Variants in IREB2 observed in about 807,000 individuals in gnomAD.
IREB2 encodes the protein iron-responsive element-binding protein 2.
Under a neutral mutation model 118.8 loss-of-function variants are expected in IREB2, and 39 were observed. The observed-to-expected ratio is 0.33, with a 90% confidence interval of 0.25 to 0.43. The LOEUF (loss-of-function observed/expected upper bound fraction) is 0.43, where lower values mean the gene tolerates loss of function less well. Ranked by LOEUF, IREB2 falls within the 20% of genes least tolerant of loss-of-function variation. The pLI, the probability that IREB2 is intolerant of heterozygous loss-of-function variation, is 1.00. For synonymous variants in IREB2, 372 were observed against 392.2 expected (o/e 0.95, Z 0.61); for missense variants, 900 against 1,147.3 (o/e 0.78, Z 3.11).
intron 5 of IREB2, among the ~76,000 whole-genome samples, chr15:78,468,298 C>T (rs961798003): frequency 1.1e-4 from 17 of 151,988 alleles, no homozygotes; most frequent in East Asian, 7.7e-4. Context: ...GCTGAGGTGC[C>T]GTGGCACCAT....
At chr15:78,469,459 C>G (rs1345587441) in intron 5 of IREB2, among the ~76,000 whole-genome samples, 1 of 151,916 alleles carries the variant, frequency 6.6e-6, no homozygotes, top group Admixed American at 6.6e-5. Context: ...GTGGCTCACA[C>G]CTGTAATCCC....
intron 2 of IREB2, 46 bp downstream of exon 2, chr15:78,439,927 T>C (rs1382346025): frequency 8.7e-7 from 1 of 1,145,250 alleles, no homozygotes; most frequent in Non-Finnish European, 1.3e-6. Context: ...TCTCTAATAA[T>C]GAAAATGCAT....
At position 78,498,349 on chromosome 15, in the gene IREB2, T is replaced by C; in HGVS notation, c.*206T>C. The C allele has an allele frequency of 3.1e-6, 1 of 324,138 alleles. No individual in the cohort carries two copies. Among genetic ancestry groups the C allele is most frequent in the Non-Finnish European group, 5.7e-6 (1 of 176,264 alleles). 20.1% of individuals were successfully genotyped at this position (324,138 alleles called of 1,614,324 possible). The stretch of plus-strand genomic sequence containing the variant: ...ATACGAATGGTGCTATTAATATTGC[T>C]AAAATCAACGTGTGAAGTGTGTTGT... On this transcript the variant is annotated 3_prime_UTR_variant, in exon 22 of 22. Transcript: ENST00000258886.
At chr15:78,489,744 C>A (rs2051718358) in intron 16 of IREB2, among the ~76,000 whole-genome samples, 1 of 152,142 alleles carries the variant, frequency 6.6e-6, no homozygotes, top group Non-Finnish European at 1.5e-5. Flanking sequence ...CTCCTGGACT[C>A]AAGTGATCCG....
At chr15:78,445,649 A>G (rs557058970) in intron 2 of IREB2, among the ~76,000 whole-genome samples, 3 of 152,348 alleles carry the variant, frequency 2.0e-5, no homozygotes, top group East Asian at 1.9e-4. Context: ...CCAGTCTTCC[A>G]TCTCTACAGC....
intron 2 of IREB2, among the ~76,000 whole-genome samples, chr15:78,449,238 G>A (rs2050982487): frequency 6.6e-6 from 1 of 152,122 alleles, no homozygotes; most frequent in South Asian, 2.1e-4. Context: ...TATTTGTTGA[G>A]TATGTATTTA....
At chr15:78,457,923 G>C (rs935342870) in intron 2 of IREB2, among the ~76,000 whole-genome samples, 1 of 151,720 alleles carries the variant, frequency 6.6e-6, no homozygotes, top group African/African-American at 2.4e-5. Flanking sequence ...AATTCCCCTT[G>C]GTTTGGGGAA....
chr15:78,475,510 TTAAGTC>T (rs2051453970), intron 8 of IREB2: 1 of 152,176 alleles, frequency 6.6e-6, no homozygotes, highest in African/African-American at 2.4e-5. Context: ...TAGTATTTCA[TTAAGTC>T]TAAGATGCCA....
Position 78,471,848 on chromosome 15 carries a change from C to A in IREB2, c.807C>A (p.Asp269Glu), listed in dbSNP as rs1176982196. Residue 269 changes from aspartate (D) to glutamate (E), a missense_variant, in exon 7 of 22, where the codon GAC becomes GAA. Asp to Glu is a conservative substitution (Grantham distance 45). Transcript: ENST00000258886. ...CAAGAGTGGTTTTTGAAGAAAAAGA[C>A]CTCCTCTTCCCAGACAGTGTAGTCG... ...YLSRVVFEEK[D>E]LLFPDSVVGT... 1 of 1,613,544 alleles carries A rather than the reference C, an allele frequency of 6.2e-7. No homozygotes were observed. The highest frequency in any genetic ancestry group is 1.7e-5 in the Admixed American group (1 of 59,986).
chr15:78,464,441 A>G (rs2051247524), intron 3 of IREB2, among the ~76,000 whole-genome samples: 1 of 152,222 alleles, frequency 6.6e-6, no homozygotes, highest in Non-Finnish European at 1.5e-5. Context: ...TACCCTATGT[A>G]TGCTGCTATT....
chr15:78,443,983 G>A (rs11630228), intron 2 of IREB2, among the ~76,000 whole-genome samples: 31,309 of 152,032 alleles, frequency 0.21, 3,951 homozygotes, highest in East Asian at 0.33. Flanking sequence ...GGAGCTGGCT[G>A]TCTGGCACTC....
At chr15:78,481,273 G>T (rs2051565620) in intron 10 of IREB2, among the ~76,000 whole-genome samples, 1 of 152,046 alleles carries the variant, frequency 6.6e-6, no homozygotes, top group African/African-American at 2.4e-5. Flanking sequence ...CGTGATCACG[G>T]CTCACTGCAA....
chr15:78,445,419 A>G (rs1289686980), intron 2 of IREB2, among the ~76,000 whole-genome samples: 1 of 152,200 alleles, frequency 6.6e-6, no homozygotes, highest in Non-Finnish European at 1.5e-5. Context: ...GATTACAGGC[A>G]TGAACCACTG....
At chr15:78,453,545 A>C (rs773619671) in intron 2 of IREB2, among the ~76,000 whole-genome samples, 1 of 152,230 alleles carries the variant, frequency 6.6e-6, no homozygotes, top group African/African-American at 2.4e-5. Flanking sequence ...GAAATGATTG[A>C]TGACTCTTGA....
intron 2 of IREB2, among the ~76,000 whole-genome samples, chr15:78,443,916 G>T: frequency 6.6e-6 from 1 of 152,122 alleles, no homozygotes; most frequent in Non-Finnish European, 1.5e-5. Flanking sequence ...AAAGTGCTGG[G>T]ATTATAGGCG....
At position 78,494,140 on chromosome 15, in the gene IREB2, A is replaced by T; in HGVS notation, c.2473-2A>T. On this transcript the variant is annotated splice_acceptor_variant, in intron 19 of 21. Transcript: ENST00000258886. LOFTEE classifies it high-confidence loss of function. ...AAATTTTGTGTTTGTTTTAATCTAC[A>T]GCTAGATGTATTTGAGGCTGCAGAG... 6.2e-7 allele frequency: 1 copy of T among 1,613,168 alleles called. No individual in the cohort carries two copies. Among genetic ancestry groups the T allele is most frequent in the Non-Finnish European group, 8.5e-7 (1 of 1,179,764 alleles).
At position 78,465,346 on chromosome 15, in the gene IREB2, A is replaced by T; in HGVS notation, c.368A>T (p.Asp123Val). The part of the protein sequence containing the change: ...PEKVHPACPT[D>V]LTVDHSLQID... ...AAAGTCCATCCTGCTTGTCCGACAG[A>T]TCTTACAGTTGACCATTCTTTACAA... The change falls in exon 4 of 22, where the codon GAT becomes GTT. Residue 123 changes from aspartate to valine, a missense_variant. Asp to Val is a radical substitution (Grantham distance 152, BLOSUM62 -3). Transcript: ENST00000258886. 2.5e-6 allele frequency: 4 copies of T among 1,613,582 alleles called. No homozygotes were observed. The highest frequency in any genetic ancestry group is 3.4e-6 in the Non-Finnish European group (4 of 1,179,800).
chr15:78,488,076 G>T, intron 14 of IREB2, 104 bp from the exon 15 acceptor site: 1 of 1,099,354 alleles, frequency 9.1e-7, no homozygotes, highest in Non-Finnish European at 1.3e-6. Context: ...ATGTTTTTTG[G>T]TTAATCTCGC....
intron 2 of IREB2, among the ~76,000 whole-genome samples, chr15:78,456,847 T>C (rs2051113857): frequency 6.6e-6 from 1 of 152,224 alleles, no homozygotes; most frequent in Non-Finnish European, 1.5e-5. Context: ...TCAATTCTCT[T>C]GACTGTTTCT....
Sources: allele counts gnomAD v4.1 joint callset (sites outside exome capture counted in the v4.1 genomes callset), GRCh38; gene constraint gnomAD v4.1.1; transcripts MANE v1.5; gene names NCBI Gene and HGNC (gene_info 2026-07-23, HGNC 2026-07-21).